The following MYH11 variants were observed in gnomAD, a reference collection of about 807,000 sequenced individuals.
MYH11 encodes myosin heavy chain 11.
A neutral mutation model predicts 246.6 loss-of-function variants in MYH11; 80 were observed. That is an observed-to-expected ratio of 0.32 (90% CI 0.27 to 0.39). The LOEUF is 0.39. MYH11 is among the 10% of genes least tolerant of loss of function. The pLI is 1.00. For missense variants in MYH11, 2,158 were observed against 2,546.8 expected, an observed-to-expected ratio of 0.85 and a Z score of 3.29; for synonymous variants, 1,071 against 1,015.5, an observed-to-expected ratio of 1.05 and a Z score of -1.04.
chr16:15,704,001 G>T lies in MYH11; in HGVS notation c.5909C>A (p.Ala1970Asp). 2 of 1,613,992 alleles carry T rather than the reference G, an allele frequency of 1.2e-6. No individual in the cohort carries two copies. The highest frequency in any genetic ancestry group is 1.7e-6 in the Non-Finnish European group (2 of 1,179,988). The change falls in exon 41 of 41, where the codon GCC (alanine) becomes GAC (aspartate). Residue 1970 changes from alanine to aspartate, a missense_variant. Around this residue, in one of 11 missense-constraint regions of MYH11, gnomAD observed 1,013 missense variants for 993.5 expected, o/e 1.02. Coordinates refer to ENST00000300036, the MANE Select transcript of MYH11 (RefSeq NM_002474.3). The stretch of plus-strand genomic sequence containing the variant: ...ACTGTAGAAAGTTGCTTATTCACTG[G>T]CCTTGGTTCCATTGAAGTCTGCGTC... ...TRDADFNGTK[A>D]SE
intron 4 of MYH11, 30 bp downstream of exon 4, chr16:15,798,630 A>C (rs1242033769): frequency 3.8e-6 from 6 of 1,576,248 alleles, no homozygotes; most frequent in South Asian, 1.2e-5. Flanking sequence ...AAAACAAAAA[A>C]AAAACAGAAG....
chr16:15,815,071 A>G (rs1258563776), intron 3 of MYH11, among the ~76,000 whole-genome samples: 2 of 152,224 alleles, frequency 1.3e-5, no homozygotes, highest in African/African-American at 4.8e-5. Flanking sequence ...AGACTGAAAG[A>G]CGAAACAGAA....
At chr16:15,843,151 C>T (rs1057186224) in intron 1 of MYH11, among the ~76,000 whole-genome samples, 1 of 152,010 alleles carries the variant, frequency 6.6e-6, no homozygotes, top group African/African-American at 2.4e-5. Context: ...GGGCGGACCA[C>T]CTGAGGTCAA....
At chr16:15,779,184 C>T (rs749517700) in intron 6 of MYH11, 3 of 401,098 alleles carry the variant, frequency 7.5e-6, no homozygotes, top group Non-Finnish European at 1.4e-5. Flanking sequence ...GGCTGGAGTG[C>T]AGTGGTGCAA....
At chr16:15,824,116 A>G (rs2043494416) in intron 2 of MYH11, among the ~76,000 whole-genome samples, 1 of 117,600 alleles carries the variant, frequency 8.5e-6, no homozygotes, top group East Asian at 2.1e-4. Context: ...TTAAATGCTC[A>G]TCATTTAACA....
Position 15,724,963 on chromosome 16 carries a change from A to C in MYH11, c.3888T>G (p.Leu1296=). 1 of 1,614,028 alleles carries C rather than the reference A, an allele frequency of 6.2e-7. No individual in the cohort carries two copies. ...TAATGGCCTTCCCCTCGGCCTCGTT[A>C]AGCATCCCTGTGACGCTCTCAACTT... is the stretch of plus-strand genomic sequence containing the variant. ...QNEVESVTGM[L]NEAEGKAIKL... Residue 1296 remains leucine, a synonymous_variant, in exon 29 of 41, where the codon CTT becomes CTG. Coordinates refer to ENST00000300036, the MANE Select transcript of MYH11 (RefSeq NM_002474.3).
rs542582775 is a variant in MYH11, at chr16:15,740,242, G to A, written c.2860-54C>T. 6,349 of 1,612,208 alleles carry A rather than the reference G, an allele frequency of 3.9e-3. 25 individuals carry two copies. Among genetic ancestry groups the A allele is most frequent in the Non-Finnish European group, 5.0e-3 (5,879 of 1,179,358 alleles). ...CTTTGGTTATAACAGATTTACTCTC[G>A]TGGTGATCTGGGGACTAATGAATAC... On this transcript the variant is annotated intron_variant, in intron 22 of 40. Transcript: ENST00000300036.
intron 22 of MYH11, among the ~76,000 whole-genome samples, chr16:15,740,468 A>C (rs1275386573): frequency 6.6e-6 from 1 of 151,928 alleles, no homozygotes; most frequent in Non-Finnish European, 1.5e-5. Flanking sequence ...AAAATTAGCC[A>C]GGCATGGTGG....
At chr16:15,834,996 G>C (rs148614961) in intron 2 of MYH11, among the ~76,000 whole-genome samples, 6 of 147,816 alleles carry the variant, frequency 4.1e-5, no homozygotes, top group African/African-American at 1.5e-4. Context: ...TGAGAGGATC[G>C]TTTGAATCCA....
At chr16:15,732,288 C>G (rs1213372303) in intron 27 of MYH11, among the ~76,000 whole-genome samples, 2 of 151,262 alleles carry the variant, frequency 1.3e-5, no homozygotes, top group Non-Finnish European at 2.9e-5. Flanking sequence ...TTAGTAGAAA[C>G]AAGGTCTCAC....
chr16:15,813,937 C>T (rs2043197560), intron 3 of MYH11, among the ~76,000 whole-genome samples: 1 of 151,494 alleles, frequency 6.6e-6, no homozygotes, highest in Non-Finnish European at 1.5e-5. Flanking sequence ...AGTGGATCAC[C>T]TGAGGTCAGG....
At chr16:15,853,389 C>G (rs2044378280) in intron 1 of MYH11, among the ~76,000 whole-genome samples, 1 of 152,024 alleles carries the variant, frequency 6.6e-6, no homozygotes, top group African/African-American at 2.4e-5. Context: ...TGACTTCAAG[C>G]CATCCCCCCA....
chr16:15,704,154 C>CT, intron 40 of MYH11, 31 bp from the exon 41 acceptor site: 1 of 1,612,872 alleles, frequency 6.2e-7, no homozygotes, highest in Non-Finnish European at 8.5e-7. Context: ...CATTATTTAG[C>CT]AAAGAAATCT....
At chr16:15,730,607 C>T (rs756493176) in intron 27 of MYH11, among the ~76,000 whole-genome samples, 2 of 152,052 alleles carry the variant, frequency 1.3e-5, no homozygotes, top group Non-Finnish European at 2.9e-5. Flanking sequence ...CGGACCAATA[C>T]ACTAGTGATA....
At chr16:15,801,397 T>C (rs2042881251) in intron 3 of MYH11, among the ~76,000 whole-genome samples, 3 of 152,100 alleles carry the variant, frequency 2.0e-5, no homozygotes, top group African/African-American at 7.2e-5. Flanking sequence ...GGTTCATGCC[T>C]GTAATCTCAA....
chr16:15,718,432 T>A lies in MYH11; in HGVS notation c.5178A>T (p.Ala1726=), dbSNP rs759181372. The A allele has an allele frequency of 1.3e-6, 2 of 1,567,218 alleles. No individual in the cohort carries two copies. Among genetic ancestry groups the A allele is most frequent in the Non-Finnish European group, 1.7e-6 (2 of 1,158,280 alleles). ...CCAGGCGGCGCTTCTCGTCCTGGAG[T>A]GCGTTCCTGGGGGAAGGGCGGCCAT... ...ELASSLSGRN[A]LQDEKRRLEA... Residue 1726 remains alanine (A), a synonymous_variant, in exon 37 of 41, where the codon GCA becomes GCT. Transcript: ENST00000300036.
At chr16:15,819,063 C>T (rs1010547903) in intron 3 of MYH11, among the ~76,000 whole-genome samples, 1 of 151,782 alleles carries the variant, frequency 6.6e-6, no homozygotes, top group African/African-American at 2.4e-5. Context: ...TTTGTAGAGA[C>T]AAGAGCTCAC....
chr16:15,714,811 TG>T (rs1019937075), intron 40 of MYH11, 97 bp downstream of exon 40: 25 of 1,441,410 alleles, frequency 1.7e-5, no homozygotes, highest in African/African-American at 2.8e-5. Flanking sequence ...GTGGCGGCTG[TG>T]GGCACAAGGG....
intron 8 of MYH11, among the ~76,000 whole-genome samples, chr16:15,772,560 A>C (rs1256183579): frequency 6.6e-6 from 1 of 152,132 alleles, no homozygotes; most frequent in African/African-American, 2.4e-5. Flanking sequence ...GCTGCTTTTT[A>C]TCTGGCAGTT....
Sources: allele counts gnomAD v4.1 joint callset (sites outside exome capture counted in the v4.1 genomes callset), GRCh38; gene constraint gnomAD v4.1.1; regional missense constraint gnomAD v4.1.1; transcripts MANE v1.5; gene names NCBI Gene and HGNC (gene_info 2026-07-23, HGNC 2026-07-21).